Variants in FGF12 observed in about 807,000 individuals in gnomAD.
The protein encoded by FGF12 is fibroblast growth factor 12, also known as fibroblast growth factor 12B.
A neutral mutation model predicts 23.6 loss-of-function variants in FGF12; 14 were observed. The ratio of observed to expected loss-of-function variants is 0.59; its 90% CI spans 0.39 to 0.93. The LOEUF is 0.93. Ranked by LOEUF, FGF12 falls within the 40% of genes least tolerant of loss-of-function variation. The probability of loss-of-function intolerance (pLI) is 0.00; values close to 1 mark genes in which losing one functional copy is unlikely to be tolerated. For synonymous variants in FGF12, 62 were observed against 77.3 expected (o/e 0.80, Z 1.04); for missense variants, 175 against 217.8 (o/e 0.80, Z 1.24).
chr3:192,529,762 C>T (rs1577038313), intron 2 of FGF12, among the ~76,000 whole-genome samples: 1 of 152,228 alleles, frequency 6.6e-6, no homozygotes, highest in East Asian at 1.9e-4. Context: ...TGCAGGGAAA[C>T]TCCCCCTTAT....
chr3:192,290,551 T>G (rs1480264392), intron 4 of FGF12, among the ~76,000 whole-genome samples: 1 of 152,102 alleles, frequency 6.6e-6, no homozygotes, highest in Non-Finnish European at 1.5e-5. Context: ...AGCCCTGTGG[T>G]GTGCCATTTA....
At chr3:192,675,494 C>A (rs2108700347) in intron 2 of FGF12, among the ~76,000 whole-genome samples, 1 of 152,098 alleles carries the variant, frequency 6.6e-6, no homozygotes, top group South Asian at 2.1e-4. Flanking sequence ...AATTATCACC[C>A]CAAAACAATA....
At position 192,575,413 on chromosome 3, in the gene FGF12, G is replaced by T. The variant is rs118147122; in HGVS notation, c.13+151768C>A. ...GCATTGGCATTGGCCCTGTCCTAAT[G>T]TACTTCAGTTTGGAATAAAGGACAT... On this transcript the variant is annotated intron_variant, in intron 2 of 5. Coordinates refer to ENST00000445105, the MANE Select transcript of FGF12 (RefSeq NM_004113.6). Among the ~76,000 whole-genome samples the T allele has an allele frequency of 1.8e-3, 272 of 152,294 alleles. 8 individuals carry two copies. The East Asian group carries it at 0.029, about 16-fold the overall frequency.
chr3:192,335,175 T>G (rs1452364765), intron 4 of FGF12, among the ~76,000 whole-genome samples, 186 bp downstream of exon 4: 2 of 152,160 alleles, frequency 1.3e-5, no homozygotes, highest in Non-Finnish European at 2.9e-5. Context: ...TGCAATATAC[T>G]CATTCAACAA....
At chr3:192,232,376 G>A (rs914640274) in intron 4 of FGF12, among the ~76,000 whole-genome samples, 3 of 152,014 alleles carry the variant, frequency 2.0e-5, no homozygotes, top group African/African-American at 7.2e-5. Flanking sequence ...TTCTAATAGA[G>A]TACAGAAAAC....
chr3:192,193,478 T>C (rs1716907961), intron 4 of FGF12, among the ~76,000 whole-genome samples: 1 of 152,220 alleles, frequency 6.6e-6, no homozygotes, highest in African/African-American at 2.4e-5. Context: ...CTTTTCCTTT[T>C]AAGTAGGTTC....
rs893144396 is a variant in FGF12 at position 192,268,226 on chromosome 3, A to G, written c.228+67135T>C. Reference sequence around the variant, plus strand: ...CCCAGACTGCACTTCTCTGCCCTACATACTAGCAAATTCTGCTGCTTCCAA... The same window carrying G: ...CCCAGACTGCACTTCTCTGCCCTACGTACTAGCAAATTCTGCTGCTTCCAA... On this transcript the variant is annotated intron_variant, in intron 4 of 5. Coordinates refer to ENST00000445105, the MANE Select transcript of FGF12 (RefSeq NM_004113.6). 7.2e-5 allele frequency among the ~76,000 whole-genome samples: 11 copies of G among 152,260 alleles called. 2 individuals are homozygous for G. The highest frequency in any genetic ancestry group is 2.4e-5 in the African/African-American group (1 of 41,560).
intron 2 of FGF12, among the ~76,000 whole-genome samples, chr3:192,624,480 G>C (rs904179373): frequency 6.6e-6 from 1 of 151,984 alleles, no homozygotes; most frequent in Non-Finnish European, 1.5e-5. Flanking sequence ...AAGGAGAAGG[G>C]GGAAAGTGAT....
At chr3:192,335,904 G>A (rs1717384350) in intron 3 of FGF12, among the ~76,000 whole-genome samples, 2 of 152,056 alleles carry the variant, frequency 1.3e-5, no homozygotes, top group Admixed American at 6.6e-5. Flanking sequence ...CTTGTTTTTA[G>A]TATTTTCCTT....
intron 2 of FGF12, among the ~76,000 whole-genome samples, chr3:192,367,192 G>T (rs1385999262): frequency 1.3e-5 from 2 of 152,198 alleles, no homozygotes; most frequent in Non-Finnish European, 2.9e-5. Flanking sequence ...CTTAGTCGGT[G>T]CTTAAGACAG....
chr3:192,683,561 G>A (rs1013426843), intron 2 of FGF12, among the ~76,000 whole-genome samples: 2 of 152,146 alleles, frequency 1.3e-5, no homozygotes, highest in African/African-American at 2.4e-5. Flanking sequence ...GTCTGCACCA[G>A]CACCTCCTAA....
intron 2 of FGF12, among the ~76,000 whole-genome samples, chr3:192,402,893 T>C (rs1720819559): frequency 6.6e-6 from 1 of 152,118 alleles, no homozygotes; most frequent in Non-Finnish European, 1.5e-5. Context: ...CTTTAGAAAA[T>C]AGGAAAAGTT....
chr3:192,303,848 G>T (rs1365818709), intron 4 of FGF12, among the ~76,000 whole-genome samples: 2 of 152,122 alleles, frequency 1.3e-5, no homozygotes, highest in African/African-American at 2.4e-5. Context: ...AAATATAGCA[G>T]ATCTCAAAGC....
chr3:192,274,215 C>T (rs1713634094), intron 4 of FGF12, among the ~76,000 whole-genome samples: 1 of 152,078 alleles, frequency 6.6e-6, no homozygotes, highest in Non-Finnish European at 1.5e-5. Context: ...TACATTATTA[C>T]CTATCAAGGT....
chr3:192,230,863 G>T (rs1333723231), intron 4 of FGF12, among the ~76,000 whole-genome samples: 1 of 152,056 alleles, frequency 6.6e-6, no homozygotes, highest in Non-Finnish European at 1.5e-5. Flanking sequence ...CCAGGTTGTG[G>T]AAATCAAGTT....
At chr3:192,186,112 T>A (rs1004957470) in intron 4 of FGF12, among the ~76,000 whole-genome samples, 1 of 152,226 alleles carries the variant, frequency 6.6e-6, no homozygotes, top group South Asian at 2.1e-4. Context: ...AGATACTATT[T>A]TTTTTTCTTG....
intron 2 of FGF12, among the ~76,000 whole-genome samples, chr3:192,495,594 A>G (rs1053565951): frequency 3.9e-5 from 6 of 152,210 alleles, no homozygotes; most frequent in Non-Finnish European, 7.3e-5. Flanking sequence ...TAACACACAA[A>G]GCTTGTCAAA....
intron 2 of FGF12, among the ~76,000 whole-genome samples, chr3:192,468,745 G>C (rs542921762): frequency 1.3e-5 from 2 of 150,548 alleles, no homozygotes; most frequent in South Asian, 2.1e-4. Context: ...AGGAGACTCC[G>C]AGCCTCTACA....
At chr3:192,290,601 C>G (rs1577323902) in intron 4 of FGF12, among the ~76,000 whole-genome samples, 1 of 152,290 alleles carries the variant, frequency 6.6e-6, no homozygotes, top group East Asian at 1.9e-4. Flanking sequence ...CTACCTGACA[C>G]TAACAGAGTA....
Sources: gnomAD v4.1 joint callset for allele counts (sites outside exome capture counted in the v4.1 genomes callset) on GRCh38, gnomAD v4.1.1 for gene constraint, MANE v1.5 for transcripts, NCBI Gene and HGNC (gene_info 2026-07-23, HGNC 2026-07-21) for gene names.